Variants in GALNT2 observed in about 807,000 individuals in gnomAD.
The protein encoded by GALNT2 is polypeptide N-acetylgalactosaminyltransferase 2.
A neutral mutation model predicts 81.4 loss-of-function variants in GALNT2; 31 were observed. That is an observed-to-expected ratio of 0.38 (90% CI 0.29 to 0.51). The LOEUF (loss-of-function observed/expected upper bound fraction) is 0.51. Ranked by LOEUF, GALNT2 falls within the 20% of genes least tolerant of loss-of-function variation. The pLI is 0.87. For synonymous variants in GALNT2, 303 were observed against 287.4 expected (o/e 1.05, Z -0.55); for missense variants, 629 against 765.7 (o/e 0.82, Z 2.11).
intron 8 of GALNT2, 77 bp from the exon 9 acceptor site, chr1:230,249,107 A>T: frequency 7.5e-7 from 1 of 1,326,022 alleles, no homozygotes; most frequent in Non-Finnish European, 1.1e-6. Context: ...GAATATTTTT[A>T]AGCTGTGAGG....
At chr1:230,124,180 G>A (rs145429142) in intron 1 of GALNT2, among the ~76,000 whole-genome samples, 237 of 152,294 alleles carry the variant, frequency 1.6e-3, no homozygotes, top group Middle Eastern at 3.4e-3. Flanking sequence ...CTGGATTTAG[G>A]TGGAAATGAA....
At chr1:230,269,628 TACAC>T (rs952115731) in intron 14 of GALNT2, among the ~76,000 whole-genome samples, 2 of 151,696 alleles carry the variant, frequency 1.3e-5, no homozygotes, top group Non-Finnish European at 2.9e-5. Context: ...GCTGTAGTGG[TACAC>T]ACCTGTAATT....
At chr1:230,211,143 T>TA (rs550656059) in intron 3 of GALNT2, among the ~76,000 whole-genome samples, 5 of 152,216 alleles carry the variant, frequency 3.3e-5, no homozygotes, top group African/African-American at 1.2e-4. Flanking sequence ...CGGCGTCTCA[T>TA]AAACATGCGC....
chr1:230,166,135 AAAG>A (rs1238130088), intron 1 of GALNT2, among the ~76,000 whole-genome samples: 1 of 151,964 alleles, frequency 6.6e-6, no homozygotes, highest in Non-Finnish European at 1.5e-5. Context: ...AATAAAAAAA[AAAG>A]ACCTTTTGAA....
At chr1:230,112,082 A>T (rs1249925604) in intron 1 of GALNT2, among the ~76,000 whole-genome samples, 1 of 152,178 alleles carries the variant, frequency 6.6e-6, no homozygotes, top group Admixed American at 6.5e-5. Flanking sequence ...CTCAGAAGGC[A>T]TGAGAACTGG....
intron 6 of GALNT2, among the ~76,000 whole-genome samples, chr1:230,238,772 TA>T (rs1283765804): frequency 6.6e-6 from 1 of 152,214 alleles, no homozygotes; most frequent in East Asian, 1.9e-4. Flanking sequence ...AGGATTTTTA[TA>T]CCTGTGTTCA....
intron 1 of GALNT2, among the ~76,000 whole-genome samples, chr1:230,159,369 T>C (rs1380038498): frequency 2.0e-5 from 3 of 152,194 alleles, no homozygotes; most frequent in Admixed American, 1.3e-4. Context: ...ATTAGAAGGA[T>C]CAGAAGAAAG....
intron 1 of GALNT2, among the ~76,000 whole-genome samples, chr1:230,106,171 C>T (rs977968131): frequency 5.3e-5 from 8 of 152,164 alleles, no homozygotes; most frequent in Non-Finnish European, 8.8e-5. Flanking sequence ...TCCTGGACTT[C>T]GGAGTGATAG....
upstream of GALNT2, among the ~76,000 whole-genome samples, chr1:230,064,178 T>A (rs1659111908): frequency 6.6e-6 from 1 of 152,248 alleles, no homozygotes; most frequent in Non-Finnish European, 1.5e-5. Context: ...TTATATGGTA[T>A]CCTTTCACTA....
chr1:230,158,983 C>T (rs1478677918), intron 1 of GALNT2, among the ~76,000 whole-genome samples: 2 of 152,202 alleles, frequency 1.3e-5, no homozygotes, highest in East Asian at 1.9e-4. Context: ...ATTTATTATT[C>T]TTACATCAGA....
intron 2 of GALNT2, among the ~76,000 whole-genome samples, chr1:230,195,305 A>G (rs1034990072): frequency 4.0e-5 from 6 of 151,090 alleles, no homozygotes; most frequent in African/African-American, 1.5e-4. Context: ...CTTGAGCTCT[A>G]GCCTTGGTGG....
At chr1:230,195,156 AG>A (rs1182008634) in intron 2 of GALNT2, among the ~76,000 whole-genome samples, 1 of 152,262 alleles carries the variant, frequency 6.6e-6, no homozygotes, top group Non-Finnish European at 1.5e-5. Flanking sequence ...CAAGACAGGG[AG>A]GGCACAGCCA....
chr1:230,154,742 T>C (rs1005662543), intron 1 of GALNT2, among the ~76,000 whole-genome samples: 3 of 152,254 alleles, frequency 2.0e-5, no homozygotes, highest in African/African-American at 7.2e-5. Context: ...TCTTCCCCCA[T>C]GGCCCTCGGA....
intron 10 of GALNT2, among the ~76,000 whole-genome samples, chr1:230,252,988 AG>A (rs1242428255): frequency 6.6e-6 from 1 of 151,846 alleles, no homozygotes; most frequent in Non-Finnish European, 1.5e-5. Flanking sequence ...CTGGGATTAC[AG>A]GCATGTGCCA....
intron 2 of GALNT2, among the ~76,000 whole-genome samples, chr1:230,185,269 C>CGTGT (rs769283797): frequency 5.3e-4 from 66 of 125,146 alleles, no homozygotes; most frequent in East Asian, 3.8e-3. Flanking sequence ...ACTGTGCGTG[C>CGTGT]GTGCGTGTGT....
intron 15 of GALNT2, among the ~76,000 whole-genome samples, chr1:230,277,165 G>A (rs2102784927): frequency 6.6e-6 from 1 of 152,224 alleles, no homozygotes; most frequent in East Asian, 1.9e-4. Flanking sequence ...TATAAATGGG[G>A]ATCTGTTAGG....
chr1:230,084,310 G>A (rs1228965551), intron 1 of GALNT2, among the ~76,000 whole-genome samples: 1 of 152,136 alleles, frequency 6.6e-6, no homozygotes, highest in Non-Finnish European at 1.5e-5. Flanking sequence ...CATCAGGAAG[G>A]GCCGAGGAGG....
chr1:230,107,341 G>A (rs1218728304), intron 1 of GALNT2, among the ~76,000 whole-genome samples: 1 of 152,194 alleles, frequency 6.6e-6, no homozygotes, highest in Non-Finnish European at 1.5e-5. Flanking sequence ...AGGCTGAGGA[G>A]GCAGGAGGAT....
chr1:230,199,495 AAATAG>A (rs1355526483), intron 2 of GALNT2, among the ~76,000 whole-genome samples: 1 of 152,222 alleles, frequency 6.6e-6, no homozygotes, highest in Non-Finnish European at 1.5e-5. Flanking sequence ...CCTAAAACAA[AAATAG>A]AATAGATCTG....
Sources: gnomAD v4.1 joint callset for allele counts (sites outside exome capture counted in the v4.1 genomes callset) on GRCh38, gnomAD v4.1.1 for gene constraint, MANE v1.5 for transcripts, NCBI Gene and HGNC (gene_info 2026-07-23, HGNC 2026-07-21) for gene names.